The following IL1R1 variants were observed in gnomAD, a reference collection of about 807,000 sequenced individuals.
IL1R1 encodes the protein interleukin-1 receptor type 1.
Under a neutral mutation model 50.2 loss-of-function variants are expected in IL1R1, and 22 were observed. The observed-to-expected ratio is 0.44, with a 90% CI of 0.31 to 0.63. IL1R1 has a LOEUF of 0.63. Among genes scored for constraint, IL1R1 ranks in the 20% least tolerant of loss-of-function variants. The probability of loss-of-function intolerance (pLI) is 0.07; values close to 1 mark genes in which losing one functional copy is unlikely to be tolerated. For synonymous variants in IL1R1, 251 were observed against 236.7 expected (o/e 1.06, Z -0.55); for missense variants, 509 against 676.2 (o/e 0.75, Z 2.74).
intron 1 of IL1R1, among the ~76,000 whole-genome samples, chr2:102,094,945 C>T (rs1048139623): frequency 6.6e-6 from 1 of 151,994 alleles, no homozygotes; most frequent in Non-Finnish European, 1.5e-5. Context: ...TGGGGAGGGG[C>T]AAGAGTGACG....
chr2:102,120,842 T>G (rs1406178800), intron 1 of IL1R1, among the ~76,000 whole-genome samples: 1 of 152,182 alleles, frequency 6.6e-6, no homozygotes, highest in African/African-American at 2.4e-5. Context: ...GCCTAGTACA[T>G]GGTGTGCGCA....
rs568288305 is a variant in IL1R1 at position 102,152,943 on chromosome 2, T to C, written c.-83-998T>C. On this transcript the variant is annotated intron_variant, in intron 1 of 11. Coordinates refer to ENST00000410023, the MANE Select transcript of IL1R1 (RefSeq NM_000877.4). ...TGATGGCCATTAAAAGGCCTTGTGC[T>C]TAGGTCTTACAAGCTTTTCAAAGGC... is the stretch of plus-strand genomic sequence containing the variant. Among the ~76,000 whole-genome samples the C allele has an allele frequency of 5.9e-5, 9 of 152,218 alleles. No individual in the cohort carries two copies. The South Asian group carries it at 1.7e-3, about 28-fold the overall frequency.
chr2:102,131,049 G>A (rs567075846), intron 1 of IL1R1, among the ~76,000 whole-genome samples: 31 of 152,204 alleles, frequency 2.0e-4, no homozygotes, highest in African/African-American at 6.7e-4. Context: ...CAGAAAAAGC[G>A]CCTCCCTAAA....
chr2:102,114,777 T>C (rs1680971455), intron 1 of IL1R1, among the ~76,000 whole-genome samples: 1 of 152,208 alleles, frequency 6.6e-6, no homozygotes, highest in Non-Finnish European at 1.5e-5. Context: ...CTATAGAACC[T>C]AGGCTCATAG....
intron 1 of IL1R1, among the ~76,000 whole-genome samples, chr2:102,129,545 C>A (rs1452415325): frequency 6.6e-6 from 1 of 152,142 alleles, no homozygotes; most frequent in Non-Finnish European, 1.5e-5. Flanking sequence ...AGGATTTGTA[C>A]CCCCTAAAGG....
intron 1 of IL1R1, among the ~76,000 whole-genome samples, chr2:102,105,925 C>T (rs190663924): frequency 9.6e-4 from 146 of 152,276 alleles, no homozygotes; most frequent in African/African-American, 3.2e-3. Flanking sequence ...CCTTGATCTC[C>T]ATTTATCCTT....
intron 1 of IL1R1, among the ~76,000 whole-genome samples, chr2:102,088,422 T>A (rs1050372353): frequency 6.8e-6 from 1 of 147,062 alleles, no homozygotes; most frequent in African/African-American, 2.6e-5. Context: ...ACAGGAATCT[T>A]TTTTTTTTTC....
chr2:102,151,020 AT>A (rs1011925329), intron 1 of IL1R1, among the ~76,000 whole-genome samples: 10 of 152,216 alleles, frequency 6.6e-5, no homozygotes, highest in Non-Finnish European at 1.5e-4. Flanking sequence ...TGTTACTGGT[AT>A]TTTCTAAAGG....
intron 1 of IL1R1, among the ~76,000 whole-genome samples, chr2:102,152,746 G>A (rs1390098149): frequency 1.3e-5 from 2 of 152,092 alleles, no homozygotes; most frequent in East Asian, 3.9e-4. Flanking sequence ...GCGGGAGGAT[G>A]TGGGGGTCTC....
intron 1 of IL1R1, among the ~76,000 whole-genome samples, chr2:102,072,815 A>G (rs1431859073): frequency 1.3e-5 from 2 of 151,924 alleles, no homozygotes; most frequent in Admixed American, 6.6e-5. Context: ...GCTTTTTTGT[A>G]GGTGAAACTA....
At chr2:102,120,252 T>C (rs1434435523) in intron 1 of IL1R1, among the ~76,000 whole-genome samples, 2 of 152,102 alleles carry the variant, frequency 1.3e-5, no homozygotes, top group Non-Finnish European at 2.9e-5. Context: ...AACGTGTGTG[T>C]GGGTTTTCAT....
intron 1 of IL1R1, among the ~76,000 whole-genome samples, chr2:102,090,150 A>AT (rs985139200): frequency 0.011 from 1,446 of 133,162 alleles, 20 homozygotes; most frequent in African/African-American, 0.028. Context: ...TTTTTTTTCA[A>AT]TTTTTTTTTT....
rs764163650 is a variant in IL1R1 at position 102,176,555 on chromosome 2, G to T, written c.1506G>T (p.Ser502=). 6.2e-7 allele frequency: 1 copy of T among 1,614,018 alleles called. No individual in the cohort carries two copies. Among genetic ancestry groups the T allele is most frequent in the Admixed American group, 1.7e-5 (1 of 60,000 alleles). ...AAGACTATGAGAAAATGCCAGAATC[G>T]ATTAAATTCATTAAGCAGAAACATG... ...KIQDYEKMPE[S]IKFIKQKHGA... is the part of the protein sequence containing the mutation. The change falls in exon 12 of 12, where the codon TCG becomes TCT. Residue 502 remains serine, a synonymous_variant. Transcript: ENST00000410023.
chr2:102,120,799 G>A (rs893387741), intron 1 of IL1R1, among the ~76,000 whole-genome samples: 7 of 152,244 alleles, frequency 4.6e-5, no homozygotes, highest in Admixed American at 3.3e-4. Context: ...TGTTGGATTT[G>A]TTCCTAGATA....
intron 11 of IL1R1, chr2:102,175,895 C>T (rs1349176246): frequency 1.0e-5 from 6 of 588,482 alleles, no homozygotes; most frequent in South Asian, 6.6e-5. Flanking sequence ...CCAACAGTTG[C>T]TTTACAACTG....
chr2:102,124,788 C>T (rs1681603108), intron 1 of IL1R1, among the ~76,000 whole-genome samples: 1 of 151,876 alleles, frequency 6.6e-6, no homozygotes, highest in African/African-American at 2.4e-5. Flanking sequence ...TGGTGGCTGG[C>T]ACTTGTAATC....
intron 1 of IL1R1, among the ~76,000 whole-genome samples, chr2:102,096,023 T>C (rs1396475927): frequency 6.6e-6 from 1 of 152,172 alleles, no homozygotes; most frequent in Non-Finnish European, 1.5e-5. Flanking sequence ...AAAAATTTTA[T>C]AAAAATAATG....
upstream of IL1R1, among the ~76,000 whole-genome samples, chr2:102,139,816 C>T (rs1286726275): frequency 1.3e-5 from 2 of 152,220 alleles, no homozygotes; most frequent in Non-Finnish European, 2.9e-5. Context: ...ATGGCAGTGC[C>T]ATGCTTCCTG....
chr2:102,151,376 G>C (rs377382948), intron 1 of IL1R1, among the ~76,000 whole-genome samples: 16 of 152,126 alleles, frequency 1.1e-4, no homozygotes, highest in Admixed American at 1.0e-3. Flanking sequence ...TTGATTCTAG[G>C]TTGGGTTTTC....
Sources: allele counts gnomAD v4.1 joint callset (sites outside exome capture counted in the v4.1 genomes callset), GRCh38; gene constraint gnomAD v4.1.1; transcripts MANE v1.5; gene names NCBI Gene and HGNC (gene_info 2026-07-23, HGNC 2026-07-21).